The following PCDH15 variants were observed in gnomAD, a reference collection of about 807,000 sequenced individuals.
The protein encoded by PCDH15 is protocadherin-15.
A neutral mutation model predicts 178.5 loss-of-function variants in PCDH15; 129 were observed. The observed-to-expected ratio is 0.72, with a 90% CI of 0.63 to 0.84. PCDH15 has a LOEUF of 0.84. Ranked by LOEUF, PCDH15 falls within the 40% of genes least tolerant of loss-of-function variation. The probability of loss-of-function intolerance (pLI) is 0.00; values close to 1 mark genes in which losing one functional copy is unlikely to be tolerated. For synonymous variants in PCDH15, 800 were observed against 732.0 expected (o/e 1.09, Z -1.50); for missense variants, 2,230 against 2,099.9 (o/e 1.06, Z -1.21).
intron 23 of PCDH15, among the ~76,000 whole-genome samples, chr10:53,957,830 A>C (rs1287156409): frequency 1.3e-5 from 2 of 152,192 alleles, no homozygotes; most frequent in Non-Finnish European, 1.5e-5. Flanking sequence ...TGTGTCAGAA[A>C]AAAAAGGAAA....
intron 22 of PCDH15, among the ~76,000 whole-genome samples, chr10:53,960,805 C>A (rs1009141967): frequency 1.3e-5 from 2 of 152,276 alleles, no homozygotes; most frequent in Non-Finnish European, 2.9e-5. Flanking sequence ...GCTCACTGAT[C>A]CTTACGTGGT....
At chr10:54,179,792 G>T (rs529195224) in intron 13 of PCDH15, among the ~76,000 whole-genome samples, 1 of 152,070 alleles carries the variant, frequency 6.6e-6, no homozygotes, top group East Asian at 1.9e-4. Context: ...AGTTCCTCAG[G>T]CAGAATGCTA....
intron 2 of PCDH15, among the ~76,000 whole-genome samples, chr10:55,027,572 T>C (rs1840504522): frequency 4.6e-5 from 7 of 151,694 alleles, no homozygotes; most frequent in Admixed American, 3.3e-4. Flanking sequence ...ATATGAGAAA[T>C]GTGAGGAGGA....
At chr10:54,105,886 C>A (rs770818584) in intron 15 of PCDH15, among the ~76,000 whole-genome samples, 1 of 152,146 alleles carries the variant, frequency 6.6e-6, no homozygotes, top group Non-Finnish European at 1.5e-5. Context: ...TAGAGACAAT[C>A]CCCATGACCG....
chr10:55,486,483 A>G (rs191044560), intron 2 of PCDH15, among the ~76,000 whole-genome samples: 1 of 151,682 alleles, frequency 6.6e-6, no homozygotes, highest in East Asian at 2.0e-4. Flanking sequence ...ATTAATAACT[A>G]AAATATGTAG....
intron 3 of PCDH15, among the ~76,000 whole-genome samples, chr10:54,892,955 C>CTT (rs1954487500): frequency 6.6e-6 from 1 of 151,766 alleles, no homozygotes; most frequent in African/African-American, 2.4e-5. Flanking sequence ...TCCAGGCAAA[C>CTT]TTAATGAGAA....
At chr10:55,427,752 A>G (rs112658392) in intron 2 of PCDH15, among the ~76,000 whole-genome samples, 2 of 152,164 alleles carry the variant, frequency 1.3e-5, no homozygotes, top group South Asian at 2.1e-4. Context: ...GTCCAAATTC[A>G]TGTATAATCT....
intron 3 of PCDH15, among the ~76,000 whole-genome samples, chr10:54,513,586 A>G (rs1452287883): frequency 6.6e-6 from 1 of 152,200 alleles, no homozygotes; most frequent in African/African-American, 2.4e-5. Flanking sequence ...GCAAGCAAAA[A>G]CATACTTGAA....
intron 1 of PCDH15, among the ~76,000 whole-genome samples, chr10:54,669,128 G>T (rs900088481): frequency 6.6e-6 from 1 of 152,014 alleles, no homozygotes; most frequent in African/African-American, 2.4e-5. Flanking sequence ...TAAATGACTA[G>T]AGAGAAACCT....
intron 2 of PCDH15, among the ~76,000 whole-genome samples, chr10:54,618,469 A>T (rs1349951468): frequency 6.6e-6 from 1 of 152,136 alleles, no homozygotes; most frequent in Non-Finnish European, 1.5e-5. Context: ...TGTTTTATCA[A>T]CATGATTGCT....
At chr10:54,364,697 T>C (rs1946556765) in intron 5 of PCDH15, among the ~76,000 whole-genome samples, 1 of 152,188 alleles carries the variant, frequency 6.6e-6, no homozygotes, top group Non-Finnish European at 1.5e-5. Context: ...ATCATAAATT[T>C]TGTGGCTTAA....
At chr10:54,862,683 T>G in intron 3 of PCDH15, among the ~76,000 whole-genome samples, 1 of 152,168 alleles carries the variant, frequency 6.6e-6, no homozygotes, top group East Asian at 1.9e-4. Context: ...CCCTTAAAAG[T>G]AGGTCATTTA....
chr10:53,877,828 C>A (rs997901014), intron 26 of PCDH15, among the ~76,000 whole-genome samples: 1 of 152,116 alleles, frequency 6.6e-6, no homozygotes, highest in African/African-American at 2.4e-5. Flanking sequence ...TCTACCTATA[C>A]AATATTTCTC....
chr10:54,101,160 G>A (rs1177228763), intron 15 of PCDH15, among the ~76,000 whole-genome samples: 1 of 152,150 alleles, frequency 6.6e-6, no homozygotes, highest in Non-Finnish European at 1.5e-5. Context: ...TTGAAAAATG[G>A]TAGTTTCCCT....
intron 2 of PCDH15, among the ~76,000 whole-genome samples, chr10:55,582,620 A>G (rs868291780): frequency 1.1e-5 from 1 of 87,586 alleles, no homozygotes; most frequent in Non-Finnish European, 2.0e-5. Flanking sequence ...ATATATATAT[A>G]TATATATATT....
intron 14 of PCDH15, among the ~76,000 whole-genome samples, chr10:54,150,049 G>A (rs2044368909): frequency 6.6e-6 from 1 of 152,064 alleles, no homozygotes; most frequent in East Asian, 1.9e-4. Flanking sequence ...AGTTTGACAG[G>A]AGTACTGTTG....
chr10:54,122,934 C>T (rs2041677977), intron 15 of PCDH15, among the ~76,000 whole-genome samples: 1 of 150,860 alleles, frequency 6.6e-6, no homozygotes, highest in Non-Finnish European at 1.5e-5. Flanking sequence ...ACTCCCTATT[C>T]AATAAATGGA....
chr10:54,274,594 T>A (rs953728210), intron 8 of PCDH15, among the ~76,000 whole-genome samples: 3 of 148,036 alleles, frequency 2.0e-5, no homozygotes, highest in African/African-American at 7.6e-5. Flanking sequence ...ATGCCTTTGA[T>A]TCGAAACAAA....
intron 1 of PCDH15, among the ~76,000 whole-genome samples, chr10:55,216,814 T>C (rs1236976367): frequency 3.3e-5 from 5 of 151,896 alleles, no homozygotes; most frequent in South Asian, 2.1e-4. Context: ...TATAGAAGTC[T>C]GTTAGGCTGT....
Sources: gnomAD v4.1 joint callset for allele counts (sites outside exome capture counted in the v4.1 genomes callset) on GRCh38, gnomAD v4.1.1 for gene constraint, MANE v1.5 for transcripts, NCBI Gene and HGNC (gene_info 2026-07-23, HGNC 2026-07-21) for gene names.